The following RPRD2 variants were observed in gnomAD, a reference collection of about 807,000 sequenced individuals.
The protein encoded by RPRD2 is regulation of nuclear pre-mRNA domain-containing protein 2.
A neutral mutation model predicts 104.4 loss-of-function variants in RPRD2; 12 were observed. That is an observed-to-expected ratio of 0.11 (90% CI 0.07 to 0.19). The LOEUF is 0.19. RPRD2 is among the 10% of genes least tolerant of loss of function. The pLI, the probability that RPRD2 is intolerant of heterozygous loss-of-function variation, is 1.00. For missense variants in RPRD2, 1,543 were observed against 1,790.1 expected, an observed-to-expected ratio of 0.86 and a Z score of 2.49; for synonymous variants, 714 against 684.9, an observed-to-expected ratio of 1.04 and a Z score of -0.66.
At chr1:150,436,428 C>T (rs1235023154) in intron 2 of RPRD2, among the ~76,000 whole-genome samples, 2 of 150,862 alleles carry the variant, frequency 1.3e-5, no homozygotes, top group Non-Finnish European at 2.9e-5. Flanking sequence ...CGTGAAACCC[C>T]GTCTCTACTA....
chr1:150,389,608 T>C (rs1661908946), intron 1 of RPRD2, among the ~76,000 whole-genome samples: 1 of 152,228 alleles, frequency 6.6e-6, no homozygotes, highest in Admixed American at 6.5e-5. Context: ...TCTTCTTTTT[T>C]GAAGCCTCTT....
intron 2 of RPRD2, among the ~76,000 whole-genome samples, chr1:150,418,365 G>T (rs1553889004): frequency 6.6e-6 from 1 of 152,142 alleles, no homozygotes; most frequent in East Asian, 1.9e-4. Context: ...ATCTCTGAAT[G>T]TGCTTCCTTC....
rs1351542641 is a variant in RPRD2, at chr1:150,471,443, A to G, written c.2495A>G (p.Asp832Gly). 6.2e-7 allele frequency: 1 copy of G among 1,613,942 alleles called. No individual in the cohort carries two copies. The highest frequency in any genetic ancestry group is 8.5e-7 in the Non-Finnish European group (1 of 1,179,872). The part of the protein sequence containing the change: ...YPDTSFQEDE[D>G]YRDFEYSGPP... ...GATACTTCTTTCCAAGAAGATGAGG[A>G]TTACCGAGATTTTGAGTATTCAGGG... Residue 832 changes from aspartate (D) to glycine (G), a missense_variant, in exon 11 of 11, where the codon GAT (aspartate) becomes GGT (glycine). By Grantham distance (94) the Asp-to-Gly change is moderately conservative (BLOSUM62 -1). Transcript: ENST00000369068. The surrounding 1 kb of genome is among the most constrained non-coding windows in gnomAD (Gnocchi z 5.3).
chr1:150,427,633 TACAA>T, intron 2 of RPRD2, among the ~76,000 whole-genome samples: 1 of 152,014 alleles, frequency 6.6e-6, no homozygotes, highest in Admixed American at 6.6e-5. Context: ...ACCCCATCCC[TACAA>T]TAAATACAAA....
rs1668624693 is a variant in RPRD2 at position 150,472,060 on chromosome 1, G to A, written c.3112G>A (p.Gly1038Ser). Reference sequence around the variant, plus strand: ...TCCCAGCAAGGGCACTCCAAGTGATGGTGTCAGTCTCTCAAACCTCACCCA... The same window carrying A: ...TCCCAGCAAGGGCACTCCAAGTGATAGTGTCAGTCTCTCAAACCTCACCCA... ...QAPSKGTPSD[G>S]VSLSNLTQPS... The change falls in exon 11 of 11, where the codon GGT becomes AGT. Residue 1038 changes from glycine (G) to serine (S), a missense_variant. Gly to Ser is a moderately conservative substitution (Grantham distance 56, BLOSUM62 0). This residue lies in a region of RPRD2 where 880 missense variants were observed against 885.6 expected (regional missense o/e 0.99). Transcript: ENST00000369068. 6.2e-7 allele frequency: 1 copy of A among 1,613,728 alleles called. No homozygotes were observed. Among genetic ancestry groups the A allele is most frequent in the Admixed American group, 1.7e-5 (1 of 59,988 alleles).
In RPRD2 at chr1:150,460,236, G is replaced by T. The variant is rs782607646; in HGVS notation, c.1330G>T (p.Ala444Ser). Reference sequence around the variant, plus strand: ...TTCTCTTTCCCCTTCCCCAGCATTGGCTTTGCCAAACCTGGCTAATGTGGA... The same window carrying T: ...TTCTCTTTCCCCTTCCCCAGCATTGTCTTTGCCAAACCTGGCTAATGTGGA... ...NTSLSPSPAL[A>S]LPNLANVDLA... Residue 444 changes from alanine (A) to serine (S), a missense_variant, in exon 9 of 11, where the codon GCT becomes TCT. Around this residue, in one of 4 missense-constraint regions of RPRD2, gnomAD observed 572 missense variants for 787.3 expected, o/e 0.73. Coordinates refer to ENST00000369068, the MANE Select transcript of RPRD2 (RefSeq NM_015203.5). The T allele has an allele frequency of 3.7e-6, 6 of 1,613,620 alleles. No homozygotes were observed. Among genetic ancestry groups the T allele is most frequent in the Admixed American group, 1.7e-5 (1 of 59,926 alleles).
intron 7 of RPRD2, among the ~76,000 whole-genome samples, chr1:150,451,536 G>T (rs1182178337): frequency 6.6e-6 from 1 of 151,896 alleles, no homozygotes; most frequent in Non-Finnish European, 1.5e-5. Flanking sequence ...TTAGCCGGGC[G>T]CAGTGGCAGG....
chr1:150,471,924 C>T lies in RPRD2; in HGVS notation c.2976C>T (p.Gly992=), dbSNP rs587663000. ...AAPTGHPPTS[G]VEKVLASTIS... ...CCACGGGTCACCCACCCACGTCAGG[C>T]GTGGAGAAAGTCCTGGCCTCCACCA... is the stretch of plus-strand genomic sequence containing the variant. The change falls in exon 11 of 11, where the codon GGC becomes GGT. Residue 992 remains glycine (G), a synonymous_variant. Coordinates refer to ENST00000369068, the MANE Select transcript of RPRD2 (RefSeq NM_015203.5). The surrounding 1 kb of genome is among the most constrained non-coding windows in gnomAD (Gnocchi z 5.3). 44 of 1,613,894 alleles carry T rather than the reference C, an allele frequency of 2.7e-5. No homozygotes were observed. In the African/African-American group the frequency reaches 3.2e-4, roughly 12 times the overall value.
intron 2 of RPRD2, among the ~76,000 whole-genome samples, chr1:150,431,782 A>G (rs1260013875): frequency 1.3e-5 from 2 of 151,928 alleles, no homozygotes; most frequent in East Asian, 1.9e-4. Context: ...CGCCCGGCCA[A>G]AAAGGAAGGA....
chr1:150,412,433 A>G (rs1553887851), intron 1 of RPRD2, among the ~76,000 whole-genome samples: 1 of 152,182 alleles, frequency 6.6e-6, no homozygotes, highest in Non-Finnish European at 1.5e-5. Flanking sequence ...AGAAACTGAC[A>G]TGAGTTAAAT....
chr1:150,452,158 A>AAG (rs869085085), intron 7 of RPRD2, among the ~76,000 whole-genome samples: 14 of 97,952 alleles, frequency 1.4e-4, no homozygotes, highest in South Asian at 4.7e-4. Flanking sequence ...AAAAAAAAAA[A>AAG]AGAGAGAGAG....
rs71086507 is a variant in RPRD2, at chr1:150,398,187, A to ATTTATTTTATTTTAT, written c.206-19400_206-19386dup. 7.9e-4 allele frequency among the ~76,000 whole-genome samples: 104 copies of ATTTATTTTATTTTAT among 132,394 alleles called. 2 individuals are homozygous for ATTTATTTTATTTTAT. Among genetic ancestry groups the ATTTATTTTATTTTAT allele is most frequent in the East Asian group, 4.1e-3 (18 of 4,420 alleles). 86.9% of individuals were successfully genotyped at this position (132,394 alleles called of 152,430 possible). A position where few individuals can be genotyped will look rare whatever the true frequency, so the allele number is the denominator to read the frequency against. On this transcript the variant is annotated intron_variant, in intron 1 of 10. Transcript: ENST00000369068. The stretch of plus-strand genomic sequence containing the variant: ...GCCTGGCTAATTTTTGTGTTTTTAT[A>ATTTATTTTATTTTAT]TTTATTTTATTTTATTTTATTTTTT...
At chr1:150,411,788 CAAA>C (rs71086508) in intron 1 of RPRD2, among the ~76,000 whole-genome samples, 2 of 70,726 alleles carry the variant, frequency 2.8e-5, no homozygotes, top group African/African-American at 1.8e-4. Flanking sequence ...TAGACTGTCT[CAAA>C]AAAAAAAAAA....
chr1:150,392,019 C>G (rs1662112647), intron 1 of RPRD2, among the ~76,000 whole-genome samples: 1 of 151,596 alleles, frequency 6.6e-6, no homozygotes, highest in Non-Finnish European at 1.5e-5. Context: ...GTGTGTTGCT[C>G]AAGGCCCATC....
At chr1:150,381,742 G>T (rs1433616322) in intron 1 of RPRD2, among the ~76,000 whole-genome samples, 2 of 151,954 alleles carry the variant, frequency 1.3e-5, no homozygotes, top group African/African-American at 4.8e-5. Flanking sequence ...CTAACCTCGT[G>T]ATCCGCCCGC....
rs587775956 is a variant in RPRD2 at position 150,433,159 on chromosome 1, A to C, written c.336-7764A>C. On this transcript the variant is annotated intron_variant, in intron 2 of 10. Coordinates refer to ENST00000369068, the MANE Select transcript of RPRD2 (RefSeq NM_015203.5). ...TATGTACCCATAAAAATTTTTTTAAATTTTTAAAAAGGACTACAATTAAAC... is the reference window on the plus strand; with the variant it reads ...TATGTACCCATAAAAATTTTTTTAACTTTTTAAAAAGGACTACAATTAAAC... Among the ~76,000 whole-genome samples, 293 of 152,192 alleles carry C rather than the reference A, an allele frequency of 1.9e-3. 1 individual carries two copies. The highest frequency in any genetic ancestry group is 6.8e-3 in the Middle Eastern group (2 of 294).
rs780014082 is a variant in RPRD2, at chr1:150,471,766, C to T, written c.2818C>T (p.Pro940Ser). The T allele has an allele frequency of 1.9e-6, 3 of 1,613,914 alleles. No individual in the cohort carries two copies. Among genetic ancestry groups the T allele is most frequent in the Middle Eastern group, 1.6e-4 (1 of 6,062 alleles). The change falls in exon 11 of 11, where the codon CCT (proline) becomes TCT (serine). Residue 940 changes from proline to serine, a missense_variant. Pro to Ser is a moderately conservative substitution (Grantham distance 74). Coordinates refer to ENST00000369068, the MANE Select transcript of RPRD2 (RefSeq NM_015203.5). The surrounding 1 kb of genome is among the most constrained non-coding windows in gnomAD (Gnocchi z 5.3). ...SPSKNDSFFT[P>S]DSNHNSLSQS... ...GAGTAAGAATGATTCATTTTTCACC[C>T]CTGACTCCAACCACAATAGCTTGTC...
chr1:150,469,684 A>G (rs796154872), intron 10 of RPRD2, among the ~76,000 whole-genome samples: 23 of 152,326 alleles, frequency 1.5e-4, no homozygotes, highest in Admixed American at 7.2e-4. Flanking sequence ...AAAATTTTCT[A>G]CAGGAGCAGT....
At chr1:150,467,143 T>C (rs1365146130) in intron 10 of RPRD2, among the ~76,000 whole-genome samples, 1 of 152,204 alleles carries the variant, frequency 6.6e-6, no homozygotes, top group Non-Finnish European at 1.5e-5. Flanking sequence ...TAAAACAGTT[T>C]CCTAAACTGT....
Sources: gnomAD v4.1 joint callset for allele counts (sites outside exome capture counted in the v4.1 genomes callset) on GRCh38, gnomAD v4.1.1 for gene constraint, gnomAD v4.1.1 regional missense constraint, Gnocchi (gnomAD v3.1) non-coding constraint, MANE v1.5 for transcripts, NCBI Gene and HGNC (gene_info 2026-07-23, HGNC 2026-07-21) for gene names.